DAB1: variants seen among roughly 807,000 people sequenced by gnomAD.
The protein encoded by DAB1 is disabled homolog 1.
In DAB1, 15 loss-of-function variants were observed where a neutral mutation model predicts 64.6. That is an observed-to-expected ratio of 0.23 (90% CI 0.16 to 0.36). The LOEUF is 0.36. Ranked by LOEUF, DAB1 falls within the 10% of genes least tolerant of loss-of-function variation. The pLI is 1.00. For synonymous variants in DAB1, 235 were observed against 251.9 expected, an observed-to-expected ratio of 0.93 and a Z score of 0.64; for missense variants, 596 against 706.7, an observed-to-expected ratio of 0.84 and a Z score of 1.78.
At chr1:58,496,179 T>C (rs978000698) in intron 3 of DAB1, among the ~76,000 whole-genome samples, 4 of 151,948 alleles carry the variant, frequency 2.6e-5, no homozygotes, top group Admixed American at 1.3e-4. Flanking sequence ...CTTTTTTTTT[T>C]TGGCTTTGGG....
At chr1:57,933,517 A>G (rs1325238967) in intron 5 of DAB1, among the ~76,000 whole-genome samples, 1 of 152,178 alleles carries the variant, frequency 6.6e-6, no homozygotes, top group Non-Finnish European at 1.5e-5. Flanking sequence ...TCTTTCACTC[A>G]GCATAATATT....
chr1:57,174,739 C>G (rs1300648143), intron 2 of DAB1, among the ~76,000 whole-genome samples: 1 of 152,086 alleles, frequency 6.6e-6, no homozygotes, highest in Non-Finnish European at 1.5e-5. Flanking sequence ...GGCTCTACTC[C>G]GAACAGGAAT....
intron 3 of DAB1, among the ~76,000 whole-genome samples, chr1:58,473,022 G>A (rs1382893062): frequency 2.0e-5 from 3 of 152,164 alleles, no homozygotes; most frequent in Non-Finnish European, 4.4e-5. Context: ...TGTTAAGAGA[G>A]GAAGTGGTCC....
At chr1:57,772,258 C>A (rs1218384425) in intron 6 of DAB1, among the ~76,000 whole-genome samples, 1 of 152,100 alleles carries the variant, frequency 6.6e-6, no homozygotes, top group Non-Finnish European at 1.5e-5. Flanking sequence ...TCTCACCAGA[C>A]CCTTGCATCT....
rs778401454 is a variant in DAB1, at chr1:57,014,838, T to C, written c.1444+45A>G. On this transcript the variant is annotated intron_variant, in intron 12 of 14. Coordinates refer to ENST00000371236, the MANE Select transcript of DAB1 (RefSeq NM_001365792.1). ...CAGAAACCCCGCCTCCAGACATGAG[T>C]TACGGCTCTCATTGGGTTTTATGTC... 5.4e-6 allele frequency: 8 copies of C among 1,484,290 alleles called. No homozygotes were observed. The African/African-American group carries it at 1.1e-4, about 21-fold the overall frequency. The allele number at this position is 1,484,290 out of a possible 1,614,324, so 91.9% of individuals were successfully genotyped here.
At chr1:57,539,760 T>C (rs531057762) in intron 7 of DAB1, among the ~76,000 whole-genome samples, 1 of 152,330 alleles carries the variant, frequency 6.6e-6, no homozygotes, top group Admixed American at 6.5e-5. Context: ...AAAGATCATC[T>C]CCAACTTGTA....
At chr1:58,452,214 G>A (rs1157681465) in intron 3 of DAB1, among the ~76,000 whole-genome samples, 2 of 151,618 alleles carry the variant, frequency 1.3e-5, no homozygotes, top group South Asian at 2.1e-4. Context: ...GATTACAGGC[G>A]TGAGCCACTG....
At chr1:57,710,693 C>T (rs79266806) in intron 6 of DAB1, among the ~76,000 whole-genome samples, 4,496 of 151,782 alleles carry the variant, frequency 0.03, 237 homozygotes, top group African/African-American at 0.1. Context: ...CTTGTAGTTT[C>T]CCTTTATTTC....
chr1:57,086,851 G>C (rs1466057578), intron 4 of DAB1, among the ~76,000 whole-genome samples: 1 of 152,190 alleles, frequency 6.6e-6, no homozygotes. Flanking sequence ...CGGTGAAATT[G>C]ATGAGTGAGC....
Position 58,287,126 on chromosome 1 carries a change from C to T in DAB1, n.309+56226G>A, listed in dbSNP as rs537491339. On this transcript the variant is annotated intron_variant and non_coding_transcript_variant, in intron 4 of 20. Transcript: ENST00000485760. ...AAGTGGGAGCCAAACAATGTAAATACATAGACACAGGGAGGGAACACACAC... is the reference window on the plus strand; with the variant it reads ...AAGTGGGAGCCAAACAATGTAAATATATAGACACAGGGAGGGAACACACAC... Among the ~76,000 whole-genome samples, 9 of 152,212 alleles carry T rather than the reference C, an allele frequency of 5.9e-5. No homozygotes were observed. The South Asian group carries it at 8.3e-4, about 14-fold the overall frequency.
At chr1:58,376,819 T>C (rs1228637161) in intron 3 of DAB1, among the ~76,000 whole-genome samples, 1 of 104,924 alleles carries the variant, frequency 9.5e-6, no homozygotes, top group Non-Finnish European at 2.0e-5. Flanking sequence ...AGTCTAAGTC[T>C]CTTTGTAGGT....
chr1:58,290,034 T>C (rs988075634), intron 4 of DAB1, among the ~76,000 whole-genome samples: 1 of 152,212 alleles, frequency 6.6e-6, no homozygotes, highest in Admixed American at 6.5e-5. Flanking sequence ...GCTCCTATCA[T>C]GTTCAGTTAA....
chr1:57,782,763 C>T (rs1650158776), intron 6 of DAB1, among the ~76,000 whole-genome samples: 1 of 152,148 alleles, frequency 6.6e-6, no homozygotes, highest in Non-Finnish European at 1.5e-5. Context: ...CACATTGTCG[C>T]TCAATATCAA....
intron 7 of DAB1, among the ~76,000 whole-genome samples, chr1:57,590,408 C>A (rs1054909128): frequency 2.6e-5 from 4 of 152,054 alleles, no homozygotes; most frequent in Admixed American, 2.6e-4. Flanking sequence ...CAACCTCCAC[C>A]TCCCGGTTTC....
intron 5 of DAB1, among the ~76,000 whole-genome samples, chr1:58,036,825 T>C (rs1006776852): frequency 6.6e-6 from 1 of 152,116 alleles, no homozygotes; most frequent in Admixed American, 6.5e-5. Context: ...GAGAGGCTAT[T>C]TGTGGCAAGA....
intron 6 of DAB1, among the ~76,000 whole-genome samples, chr1:57,769,923 T>C (rs1484554289): frequency 2.0e-5 from 3 of 152,106 alleles, no homozygotes; most frequent in Non-Finnish European, 4.4e-5. Flanking sequence ...CTTCCTCCTG[T>C]ATACTTGTCT....
chr1:57,295,238 G>A (rs1673092435), intron 1 of DAB1, among the ~76,000 whole-genome samples: 2 of 152,080 alleles, frequency 1.3e-5, no homozygotes, highest in Non-Finnish European at 2.9e-5. Context: ...CCAGAATTAG[G>A]AAAACAAAAC....
At chr1:57,585,914 A>G (rs1320863886) in intron 7 of DAB1, among the ~76,000 whole-genome samples, 1 of 152,206 alleles carries the variant, frequency 6.6e-6, no homozygotes, top group Non-Finnish European at 1.5e-5. Context: ...CATTCTTTGA[A>G]CCAGCTGTGG....
At chr1:57,621,258 A>G (rs563581983) in intron 7 of DAB1, among the ~76,000 whole-genome samples, 16 of 82,224 alleles carry the variant, frequency 1.9e-4, no homozygotes, top group Admixed American at 9.3e-4. Context: ...AGGGAGTGAG[A>G]TTGTTGTGTG....
Sources: gnomAD v4.1 joint callset for allele counts (sites outside exome capture counted in the v4.1 genomes callset) on GRCh38, gnomAD v4.1.1 for gene constraint, MANE v1.5 for transcripts, NCBI Gene and HGNC (gene_info 2026-07-23, HGNC 2026-07-21) for gene names.